UBAP2: variants seen among roughly 807,000 people sequenced by gnomAD.
The protein encoded by UBAP2 is ubiquitin-associated protein 2.
UBAP2 carries 75 observed loss-of-function variants against 139.6 expected under a neutral mutation model. That is an observed-to-expected ratio of 0.54 (90% confidence interval 0.45 to 0.65). The LOEUF (loss-of-function observed/expected upper bound fraction) is 0.65. Among genes scored for constraint, UBAP2 ranks in the 30% least tolerant of loss-of-function variants. UBAP2 has a pLI of 0.00. For synonymous variants in UBAP2, 526 were observed against 526.2 expected, an observed-to-expected ratio of 1.00 and a Z score of 0.01; for missense variants, 1,368 against 1,369.6, an observed-to-expected ratio of 1.00 and a Z score of 0.02.
In UBAP2 at chr9:33,963,751, T is replaced by C; in HGVS notation, c.720A>G (p.Ser240=). ...SNTHNIAQDL[S]NKSSYGLKGA... is the part of the protein sequence containing the mutation. ...CTTTGAGTCCATAAGAACTTTTGTT[T>C]GACAGATCCTGAGCTATGTTGTGAG... The change falls in exon 9 of 29, where the codon TCA becomes TCG. Residue 240 remains serine, a synonymous_variant. Coordinates refer to ENST00000379238, the MANE Select transcript of UBAP2 (RefSeq NM_001370062.2). 4.3e-6 allele frequency: 7 copies of C among 1,612,326 alleles called. No individual in the cohort carries two copies. Among genetic ancestry groups the C allele is most frequent in the Non-Finnish European group, 5.9e-6 (7 of 1,178,660 alleles).
intron 6 of UBAP2, among the ~76,000 whole-genome samples, chr9:33,985,759 T>C (rs1394437793): frequency 6.6e-6 from 1 of 152,054 alleles, no homozygotes. Context: ...CGGTGGCTCA[T>C]GCCTGTAATC....
chr9:33,987,539 G>A (rs533202812), intron 5 of UBAP2, among the ~76,000 whole-genome samples: 27 of 152,280 alleles, frequency 1.8e-4, no homozygotes, highest in African/African-American at 6.5e-4. Flanking sequence ...GCCCAGGGAG[G>A]TCAAGGCTGC....
chr9:33,973,172 C>T lies in UBAP2; in HGVS notation c.575+11G>A, dbSNP rs1248243449. 1 of 1,613,154 alleles carries T rather than the reference C, an allele frequency of 6.2e-7. No individual in the cohort carries two copies. The highest frequency in any genetic ancestry group is 8.5e-7 in the Non-Finnish European group (1 of 1,179,338). ...GTAAATAATTATAAAAATAGGATGG[C>T]TATCACTTACCCCATGCCTTGGGTT... is the stretch of plus-strand genomic sequence containing the variant. On this transcript the variant is annotated intron_variant, in intron 7 of 28. Coordinates refer to ENST00000379238, the MANE Select transcript of UBAP2 (RefSeq NM_001370062.2).
intron 1 of UBAP2, among the ~76,000 whole-genome samples, chr9:34,029,314 G>A (rs1825682337): frequency 6.6e-6 from 1 of 151,676 alleles, no homozygotes; most frequent in South Asian, 2.1e-4. Context: ...ATCACCAGAA[G>A]GTCAAGAGTT....
chr9:33,938,823 T>C (rs1384798872), intron 16 of UBAP2: 3 of 410,508 alleles, frequency 7.3e-6, no homozygotes, highest in African/African-American at 4.3e-5. Context: ...AGCTTGTCAT[T>C]GAAATTTCCA....
intron 11 of UBAP2, 129 bp from the exon 12 acceptor site, chr9:33,953,603 GT>G: frequency 1.1e-6 from 1 of 901,312 alleles, no homozygotes; most frequent in Admixed American, 2.9e-5. Flanking sequence ...GGAAAATGGG[GT>G]TTAAGGGGGC....
chr9:33,950,013 C>A (rs1431748302), intron 12 of UBAP2, among the ~76,000 whole-genome samples: 1 of 152,166 alleles, frequency 6.6e-6, no homozygotes, highest in African/African-American at 2.4e-5. Flanking sequence ...TACATTTTTA[C>A]ATATCAAGAT....
chr9:33,975,264 TA>T (rs959021540), intron 6 of UBAP2, among the ~76,000 whole-genome samples: 1 of 150,190 alleles, frequency 6.7e-6, no homozygotes, highest in African/African-American at 2.5e-5. Context: ...ACCCCGTCTT[TA>T]TTAAAAAAAT....
At chr9:33,996,378 G>T in intron 3 of UBAP2, 45 bp from the exon 4 acceptor site, 1 of 1,289,480 alleles carries the variant, frequency 7.8e-7, no homozygotes, top group Non-Finnish European at 1.1e-6. Flanking sequence ...CAAAAAACTG[G>T]CACTTGATAT....
rs549639913 is a variant in UBAP2 at position 34,024,896 on chromosome 9, A to T, written c.-41-7707T>A. On this transcript the variant is annotated intron_variant, in intron 1 of 28. Coordinates refer to ENST00000379238, the MANE Select transcript of UBAP2 (RefSeq NM_001370062.2). ...CTATTTGGGAGGCTAAGGCAGGAGA[A>T]TCACTTGAACCCGAGAGGCGGAGGT... Among the ~76,000 whole-genome samples the T allele has an allele frequency of 9.2e-5, 14 of 152,226 alleles. No homozygotes were observed. The East Asian group carries it at 1.5e-3, about 17-fold the overall frequency.
intron 1 of UBAP2, among the ~76,000 whole-genome samples, chr9:34,040,705 T>C (rs906399611): frequency 6.6e-6 from 1 of 152,204 alleles, no homozygotes; most frequent in African/African-American, 2.4e-5. Context: ...ACATAAAATG[T>C]TGGCAAGGAT....
intron 5 of UBAP2, 142 bp from the exon 6 acceptor site, chr9:33,986,979 A>C: frequency 1.3e-6 from 1 of 745,488 alleles, no homozygotes. Context: ...GAAAAACAAA[A>C]ACAAAAGTGA....
intron 3 of UBAP2, 169 bp downstream of exon 3, chr9:33,998,618 C>T: frequency 1.8e-6 from 1 of 551,806 alleles, no homozygotes; most frequent in Non-Finnish European, 3.2e-6. Context: ...TTCACTTGCC[C>T]ACCAATAAAG....
intron 6 of UBAP2, among the ~76,000 whole-genome samples, chr9:33,982,157 C>T (rs981675753): frequency 1.3e-5 from 2 of 152,160 alleles, no homozygotes; most frequent in African/African-American, 4.8e-5. Flanking sequence ...AGCAGAACTG[C>T]CAGCAGCCAG....
intron 2 of UBAP2, among the ~76,000 whole-genome samples, chr9:34,013,019 T>C (rs1054185332): frequency 6.6e-6 from 1 of 150,614 alleles, no homozygotes; most frequent in Non-Finnish European, 1.5e-5. Context: ...CCGGGTGTGG[T>C]GATGTACAAG....
intron 7 of UBAP2, among the ~76,000 whole-genome samples, chr9:33,972,649 T>TA (rs140605759): frequency 0.079 from 11,983 of 152,166 alleles, 683 homozygotes; most frequent in Non-Finnish European, 0.12. Context: ...CAACAAAAAG[T>TA]AAAAAAACAC....
chr9:33,985,135 C>A (rs998575799), intron 6 of UBAP2, among the ~76,000 whole-genome samples: 4 of 152,066 alleles, frequency 2.6e-5, no homozygotes. Flanking sequence ...GAAAAGGAAA[C>A]CAATAGTGCT....
At chr9:33,932,695 T>TGGG in intron 18 of UBAP2, 67 bp from the exon 19 acceptor site, 1 of 1,554,768 alleles carries the variant, frequency 6.4e-7, no homozygotes, top group Non-Finnish European at 8.8e-7. Flanking sequence ...AAGACGCACG[T>TGGG]GGGTCAGTGA....
intron 1 of UBAP2, among the ~76,000 whole-genome samples, chr9:34,047,905 T>C (rs576306269): frequency 2.0e-5 from 3 of 152,358 alleles, no homozygotes; most frequent in Non-Finnish European, 4.4e-5. Context: ...GCAAACCATA[T>C]ACCTTCCTTG....
Sources: gnomAD v4.1 joint callset for allele counts (sites outside exome capture counted in the v4.1 genomes callset) on GRCh38, gnomAD v4.1.1 for gene constraint, MANE v1.5 for transcripts, NCBI Gene and HGNC (gene_info 2026-07-23, HGNC 2026-07-21) for gene names.